Variants in ANKS1B observed in about 807,000 individuals in gnomAD.
ANKS1B encodes the protein ankyrin repeat and sterile alpha motif domain-containing protein 1B.
Under a neutral mutation model 148.3 loss-of-function variants are expected in ANKS1B, and 36 were observed. The ratio of observed to expected loss-of-function variants is 0.24; its 90% CI spans 0.19 to 0.32. The LOEUF is 0.32. Among genes scored for constraint, ANKS1B ranks in the 10% least tolerant of loss-of-function variants. ANKS1B has a pLI of 1.00. For missense variants in ANKS1B, 1,157 were observed against 1,542.6 expected, an observed-to-expected ratio of 0.75 and a Z score of 4.19; for synonymous variants, 542 against 560.8, an observed-to-expected ratio of 0.97 and a Z score of 0.47.
At chr12:98,915,070 C>T (rs959394574) in intron 17 of ANKS1B, among the ~76,000 whole-genome samples, 6 of 152,068 alleles carry the variant, frequency 3.9e-5, no homozygotes, top group Non-Finnish European at 7.4e-5. Context: ...ATGTTCCCCC[C>T]ACCACCCCCA....
chr12:99,164,318 T>C (rs2153832296), intron 14 of ANKS1B, among the ~76,000 whole-genome samples: 1 of 152,296 alleles, frequency 6.6e-6, no homozygotes, highest in Non-Finnish European at 1.5e-5. Context: ...ATACAATCTC[T>C]AATGGCTTAC....
At chr12:99,638,003 CAGTG>C (rs1245952451) in intron 9 of ANKS1B, among the ~76,000 whole-genome samples, 1 of 151,900 alleles carries the variant, frequency 6.6e-6, no homozygotes. Flanking sequence ...TTTTCTCTGA[CAGTG>C]AGTGAGTTCT....
intron 8 of ANKS1B, among the ~76,000 whole-genome samples, chr12:99,752,707 T>A (rs1476229129): frequency 6.6e-6 from 1 of 152,034 alleles, no homozygotes; most frequent in East Asian, 1.9e-4. Context: ...TATACCCTTA[T>A]ATATACAACT....
At chr12:99,572,263 A>G (rs1048331866) in intron 9 of ANKS1B, among the ~76,000 whole-genome samples, 2 of 152,136 alleles carry the variant, frequency 1.3e-5, no homozygotes, top group African/African-American at 2.4e-5. Flanking sequence ...ACCATCTTGA[A>G]TTGAAATAAA....
intron 1 of ANKS1B, among the ~76,000 whole-genome samples, chr12:99,970,116 A>C (rs2095540554): frequency 6.6e-6 from 1 of 152,224 alleles, no homozygotes; most frequent in South Asian, 2.1e-4. Flanking sequence ...CTCAAATTTT[A>C]GTGCACATAA....
At chr12:99,362,903 GACTT>G (rs1444518133) in intron 12 of ANKS1B, among the ~76,000 whole-genome samples, 2 of 151,878 alleles carry the variant, frequency 1.3e-5, no homozygotes, top group African/African-American at 4.8e-5. Flanking sequence ...CATATTTGAT[GACTT>G]AATTAAGGGA....
chr12:99,815,614 A>G (rs1026048451), intron 2 of ANKS1B, among the ~76,000 whole-genome samples: 12 of 146,152 alleles, frequency 8.2e-5, no homozygotes, highest in African/African-American at 2.8e-4. Flanking sequence ...CAATGTTTCC[A>G]GCGTGTTGTG....
intron 7 of ANKS1B, 64 bp from the exon 8 acceptor site, chr12:99,773,152 T>C: frequency 7.2e-7 from 1 of 1,386,498 alleles, no homozygotes; most frequent in Non-Finnish European, 9.9e-7. Flanking sequence ...TGTTAAGCAA[T>C]AAAAATATGA....
chr12:99,777,646 G>A (rs867196535), intron 6 of ANKS1B, among the ~76,000 whole-genome samples: 86 of 152,102 alleles, frequency 5.7e-4, no homozygotes, highest in African/African-American at 2.0e-3. Flanking sequence ...GTGCAGTGGC[G>A]CGATCTCGGC....
At chr12:99,308,461 G>A (rs917813302) in intron 12 of ANKS1B, among the ~76,000 whole-genome samples, 4 of 151,888 alleles carry the variant, frequency 2.6e-5, no homozygotes, top group African/African-American at 4.8e-5. Context: ...TTTATGAATG[G>A]ATTTGCTTCT....
At chr12:98,734,954 A>G in exon 10 of ANKS1B, 1 of 373,058 alleles carries the variant, frequency 2.7e-6, no homozygotes, top group Non-Finnish European at 4.7e-6. Context: ...CTTGTCTTAA[A>G]AAGAAATTAG....
intron 3 of ANKS1B, among the ~76,000 whole-genome samples, chr12:99,810,003 C>T (rs1479626047): frequency 1.3e-5 from 2 of 151,846 alleles, no homozygotes; most frequent in African/African-American, 2.4e-5. Flanking sequence ...AGTAAGATAA[C>T]GGGGATGAAG....
intron 1 of ANKS1B, among the ~76,000 whole-genome samples, chr12:99,830,703 G>T (rs2083854998): frequency 6.7e-6 from 1 of 150,240 alleles, no homozygotes; most frequent in Admixed American, 6.6e-5. Flanking sequence ...TTTAATTAAT[G>T]GGAAGGAAAA....
intron 3 of ANKS1B, 107 bp from the exon 4 acceptor site, chr12:99,806,807 T>C: frequency 2.8e-6 from 3 of 1,086,124 alleles, no homozygotes; most frequent in South Asian, 3.4e-5. Context: ...TAAGTTAAGA[T>C]TTATCCATTT....
intron 12 of ANKS1B, among the ~76,000 whole-genome samples, chr12:99,382,860 C>T (rs185750750): frequency 2.6e-5 from 4 of 152,196 alleles, no homozygotes; most frequent in Admixed American, 2.6e-4. Context: ...CATGGAATCA[C>T]TACAGTAGTT....
intron 23 of ANKS1B, chr12:98,781,438 T>C (rs1158402161): frequency 3.3e-6 from 2 of 606,344 alleles, no homozygotes; most frequent in African/African-American, 3.6e-5. Flanking sequence ...CGTCTTGCCC[T>C]TGAGGATCTA....
At chr12:99,791,126 T>C (rs1161234044) in intron 4 of ANKS1B, among the ~76,000 whole-genome samples, 1 of 152,018 alleles carries the variant, frequency 6.6e-6, no homozygotes, top group Admixed American at 6.6e-5. Context: ...AGAGTAGCTA[T>C]ACTTATATTA....
At chr12:98,890,072 C>T (rs1172046011) in intron 17 of ANKS1B, among the ~76,000 whole-genome samples, 1 of 152,152 alleles carries the variant, frequency 6.6e-6, no homozygotes. Context: ...CTTCCTCCTG[C>T]TAGCTACTAG....
At chr12:98,988,564 C>T (rs974501452) in intron 17 of ANKS1B, among the ~76,000 whole-genome samples, 1 of 151,986 alleles carries the variant, frequency 6.6e-6, no homozygotes, top group Non-Finnish European at 1.5e-5. Flanking sequence ...GCAATGAACA[C>T]CAAAGTGCAG....
Sources: gnomAD v4.1 joint callset for allele counts (sites outside exome capture counted in the v4.1 genomes callset) on GRCh38, gnomAD v4.1.1 for gene constraint, MANE v1.5 for transcripts, NCBI Gene and HGNC (gene_info 2026-07-23, HGNC 2026-07-21) for gene names.